The following MYO1H variants were observed in gnomAD, a reference collection of about 807,000 sequenced individuals.
MYO1H encodes the protein myosin IH.
A neutral mutation model predicts 149.3 loss-of-function variants in MYO1H; 118 were observed. The observed-to-expected ratio is 0.79, with a 90% CI of 0.68 to 0.92. The LOEUF (loss-of-function observed/expected upper bound fraction) is 0.92, where lower values mean the gene tolerates loss of function less well. Among genes scored for constraint, MYO1H ranks in the 40% least tolerant of loss-of-function variants. The pLI, the probability that MYO1H is intolerant of heterozygous loss-of-function variation, is 0.00. For synonymous variants in MYO1H, 447 were observed against 465.2 expected (o/e 0.96, Z 0.50); for missense variants, 1,212 against 1,280.7 (o/e 0.95, Z 0.82).
intron 16 of MYO1H, among the ~76,000 whole-genome samples, 195 bp downstream of exon 16, chr12:109,421,222 A>G (rs539332951): frequency 9.1e-6 from 1 of 110,470 alleles, no homozygotes; most frequent in East Asian, 2.5e-4. Flanking sequence ...TCAAATGTGT[A>G]TGATGCCCCC....
chr12:109,310,771 T>G, the MYO1H span, among the ~76,000 whole-genome samples: 18 of 152,204 alleles, frequency 1.2e-4, no homozygotes, highest in Non-Finnish European at 2.6e-4. Context: ...ACGTCCTTCC[T>G]CCTTTCTTCT....
rs186708748 is a variant in MYO1H at position 109,431,962 on chromosome 12, C to T, written c.1950-935C>T. ...CCTCCTGAGTAGCTGGGACTACAGCCGCACACTGCCACACCTGGCTAAAAA... is the reference window on the plus strand; with the variant it reads ...CCTCCTGAGTAGCTGGGACTACAGCTGCACACTGCCACACCTGGCTAAAAA... On this transcript the variant is annotated intron_variant, in intron 19 of 31. Transcript: ENST00000310903. Among the ~76,000 whole-genome samples, 153 of 150,456 alleles carry T rather than the reference C, an allele frequency of 1.0e-3. 1 individual carries two copies. The highest frequency in any genetic ancestry group is 3.4e-3 in the African/African-American group (140 of 40,750).
At chr12:109,408,259 G>A (rs1870488062) in intron 10 of MYO1H, among the ~76,000 whole-genome samples, 1 of 152,014 alleles carries the variant, frequency 6.6e-6, no homozygotes, top group Admixed American at 6.6e-5. Context: ...GCAACTTCCA[G>A]CTTCTGGGCT....
intron 24 of MYO1H, among the ~76,000 whole-genome samples, 182 bp downstream of exon 24, chr12:109,439,972 T>C (rs1049424213): frequency 2.6e-5 from 4 of 152,116 alleles, no homozygotes; most frequent in Admixed American, 6.5e-5. Context: ...CTTAGTAGCA[T>C]TATAAAGCCA....
the MYO1H span, among the ~76,000 whole-genome samples, chr12:109,314,798 C>T: frequency 2.0e-5 from 3 of 152,004 alleles, no homozygotes; most frequent in Non-Finnish European, 4.4e-5. Flanking sequence ...GCTACATGGG[C>T]CCAGAAAAAG....
chr12:109,378,995 C>T (rs2137022711), intron 1 of MYO1H, among the ~76,000 whole-genome samples: 1 of 152,204 alleles, frequency 6.6e-6, no homozygotes, highest in East Asian at 1.9e-4. Flanking sequence ...AATGTCTTTT[C>T]CATTCCTTAC....
chr12:109,347,463 A>C (rs995684456), upstream of MYO1H, among the ~76,000 whole-genome samples: 4 of 152,196 alleles, frequency 2.6e-5, no homozygotes, highest in Admixed American at 6.5e-5. Flanking sequence ...GAAGTTACCC[A>C]ATCAACTTGA....
chr12:109,446,634 A>T (rs1050485266), intron 31 of MYO1H: 1 of 183,968 alleles, frequency 5.4e-6, no homozygotes, highest in Non-Finnish European at 1.0e-5. Context: ...ATGGTGGCAC[A>T]TGCCTATAGT....
At chr12:109,353,393 C>CAAAAAAAAAAAAAAAAAAAAAAA (rs55927192) in intron 1 of MYO1H, among the ~76,000 whole-genome samples, 4 of 79,286 alleles carry the variant, frequency 5.0e-5, no homozygotes, top group Non-Finnish European at 7.2e-5. Flanking sequence ...GACTCCGTCT[C>CAAAAAAAAAAAAAAAAAAAAAAA]AAAAAAAAAA....
At chr12:109,382,539 A>C (rs950576629) in intron 1 of MYO1H, among the ~76,000 whole-genome samples, 1 of 152,202 alleles carries the variant, frequency 6.6e-6, no homozygotes, top group Non-Finnish European at 1.5e-5. Flanking sequence ...ATTAGGTATT[A>C]TAATTAGTAT....
intron 1 of MYO1H, among the ~76,000 whole-genome samples, chr12:109,383,410 T>C (rs924609862): frequency 6.6e-6 from 1 of 152,192 alleles, no homozygotes; most frequent in Admixed American, 6.5e-5. Flanking sequence ...GCATGTGTAT[T>C]AGTCAGGATA....
the MYO1H span, among the ~76,000 whole-genome samples, chr12:109,341,003 G>A: frequency 1.3e-5 from 2 of 151,890 alleles, no homozygotes; most frequent in Non-Finnish European, 2.9e-5. Context: ...CCTGGACAAC[G>A]TGGCAAAATT....
At chr12:109,411,422 G>A (rs1870662673) in intron 13 of MYO1H, among the ~76,000 whole-genome samples, 1 of 152,186 alleles carries the variant, frequency 6.6e-6, no homozygotes, top group Admixed American at 6.5e-5. Flanking sequence ...TTTTTAAGAT[G>A]CCAACTAAAT....
At chr12:109,378,390 G>C (rs557001468) in intron 1 of MYO1H, among the ~76,000 whole-genome samples, 1 of 151,308 alleles carries the variant, frequency 6.6e-6, no homozygotes, top group East Asian at 1.9e-4. Flanking sequence ...GTGTGATCAC[G>C]GCTTACTGCA....
At chr12:109,335,633 G>A in the MYO1H span, among the ~76,000 whole-genome samples, 12 of 151,906 alleles carry the variant, frequency 7.9e-5, no homozygotes, top group Admixed American at 7.9e-4. Flanking sequence ...CTGTGAATTG[G>A]AATTGCATTA....
chr12:109,329,025 T>A, the MYO1H span, among the ~76,000 whole-genome samples: 1 of 138,630 alleles, frequency 7.2e-6, no homozygotes, highest in Admixed American at 7.8e-5. Context: ...ATCAGTTTTC[T>A]TTTTTTTCTT....
chr12:109,440,458 G>A (rs868671597), intron 24 of MYO1H: 5 of 353,940 alleles, frequency 1.4e-5, no homozygotes, highest in South Asian at 3.4e-5. Context: ...TAAGAGTCCC[G>A]GGCTCCACTT....
At position 109,408,058 on chromosome 12, in the gene MYO1H, T is replaced by C. The variant is rs1870480148; in HGVS notation, c.1155+145T>C. ...TGTCTTTCCCTATTCACATTTCCCA[T>C]GTCTAGCATACAGTATGGGTGCATG... On this transcript the variant is annotated intron_variant, in intron 10 of 31. Transcript: ENST00000310903. The C allele has an allele frequency of 6.0e-6, 6 of 998,464 alleles. No individual in the cohort carries two copies. In the South Asian group the frequency reaches 6.1e-5, roughly 10 times the overall value. 61.9% of individuals were successfully genotyped at this position (998,464 alleles called of 1,614,324 possible).
At chr12:109,394,340 A>G (rs1443765528) in intron 3 of MYO1H, among the ~76,000 whole-genome samples, 1 of 152,212 alleles carries the variant, frequency 6.6e-6, no homozygotes, top group East Asian at 1.9e-4. Flanking sequence ...GTAGTTAGAG[A>G]TTACTGGTTA....
Sources: gnomAD v4.1 joint callset for allele counts (sites outside exome capture counted in the v4.1 genomes callset) on GRCh38, gnomAD v4.1.1 for gene constraint, MANE v1.5 for transcripts, NCBI Gene and HGNC (gene_info 2026-07-23, HGNC 2026-07-21) for gene names.